The following MUC3A variants were observed in gnomAD, a reference collection of about 807,000 sequenced individuals.
MUC3A encodes the protein mucin-3A.
A neutral mutation model predicts 109.0 loss-of-function variants in MUC3A; 109 were observed. The ratio of observed to expected loss-of-function variants is 1.00; its 90% CI spans 0.86 to 1.17. The LOEUF (loss-of-function observed/expected upper bound fraction) is 1.17, where lower values mean the gene tolerates loss of function less well. MUC3A is among the 50% of genes most tolerant of loss of function. The pLI, the probability that MUC3A is intolerant of heterozygous loss-of-function variation, is 0.00. For missense variants in MUC3A, 3,537 were observed against 2,469.4 expected (o/e 1.43, Z -9.16); for synonymous variants, 1,398 against 981.4 (o/e 1.42, Z -7.93).
Position 100,952,358 on chromosome 7 carries a change from C to T in MUC3A, c.579C>T (p.Thr193=). The change falls in exon 2 of 12, where the codon ACC becomes ACT. Residue 193 remains threonine (T), a synonymous_variant. Coordinates refer to ENST00000379458, the MANE Select transcript of MUC3A (RefSeq NM_005960.2). ...CCATGACATCTTCTCCCTCTACCAC[C>T]ACTGCAAGGGAAACTCCCATAGTGA... ...TSAMTSSPST[T]TARETPIVTV... 1 of 1,598,520 alleles carries T rather than the reference C, an allele frequency of 6.3e-7. No homozygotes were observed. The highest frequency in any genetic ancestry group is 8.5e-7 in the Non-Finnish European group (1 of 1,179,770).
In MUC3A at chr7:100,967,433, A is replaced by G. The variant is rs1275330505; in HGVS notation, c.*271A>G. 9.9e-6 allele frequency: 6 copies of G among 603,066 alleles called. No homozygotes were observed. The Admixed American group carries it at 1.5e-4, about 15-fold the overall frequency. 37.4% of individuals were successfully genotyped at this position (603,066 alleles called of 1,614,324 possible). ...GTTTCCTCACCTGCAAAACGGGTAC[A>G]GCATTCCTGTATGATAGCTCACGCC... is the stretch of plus-strand genomic sequence containing the variant. On this transcript the variant is annotated 3_prime_UTR_variant, in exon 12 of 12. Coordinates refer to ENST00000379458, the MANE Select transcript of MUC3A (RefSeq NM_005960.2).
In MUC3A at chr7:100,966,959, G is replaced by A. The variant is rs1165925408; in HGVS notation, c.9930+8G>A. On this transcript the variant is annotated splice_region_variant and intron_variant, in intron 11 of 11. Coordinates refer to ENST00000379458, the MANE Select transcript of MUC3A (RefSeq NM_005960.2). ...GTGGACACCACTATGAAGGTGAGGG[G>A]CTAAAGAGGGGGACCCCAAGGAACT... 23 of 1,598,420 alleles carry A rather than the reference G, an allele frequency of 1.4e-5. No individual in the cohort carries two copies. Among genetic ancestry groups the A allele is most frequent in the Non-Finnish European group, 1.7e-5 (20 of 1,179,822 alleles).
rs1486978564 is a variant in MUC3A at position 100,959,152 on chromosome 7, C to T, written c.7373C>T (p.Ala2458Val). Residue 2458 changes from alanine (A) to valine (V), a missense_variant, in exon 2 of 12, where the codon GCC (alanine) becomes GTC (valine). By Grantham distance (64) the Ala-to-Val change is moderately conservative. Transcript: ENST00000379458. The stretch of plus-strand genomic sequence containing the variant: ...TCCACAGTCAGCACATCCACAACTG[C>T]CATCACCTCACATTTTACTACCTCA... ...IYSTVSTSTT[A>V]ITSHFTTSET... 1 of 1,597,262 alleles carries T rather than the reference C, an allele frequency of 6.3e-7. No individual in the cohort carries two copies. Among genetic ancestry groups the T allele is most frequent in the Non-Finnish European group, 8.5e-7 (1 of 1,179,484 alleles).
chr7:100,966,614 G>C lies in MUC3A; in HGVS notation c.9786-38G>C, dbSNP rs768604543. The C allele has an allele frequency of 3.1e-6, 5 of 1,597,958 alleles. No individual in the cohort carries two copies. In the Admixed American group the frequency reaches 8.3e-5, roughly 27 times the overall value. ...CGAGGGCAGCCAAGGGGTCCCAGGC[G>C]GGCCGGCTCTGTCTGACCGCGCGGC... On this transcript the variant is annotated intron_variant, in intron 9 of 11. Coordinates refer to ENST00000379458, the MANE Select transcript of MUC3A (RefSeq NM_005960.2).
Position 100,959,755 on chromosome 7 carries a change from C to T in MUC3A, c.7976C>T (p.Thr2659Ile), listed in dbSNP as rs772292992. The part of the protein sequence containing the change: ...QTSLTSTSEF[T>I]TESFTRGSTS... ...TCACTCACATCTACAAGTGAGTTCA[C>T]TACAGAATCTTTCACTAGGGGAAGT... is the stretch of plus-strand genomic sequence containing the variant. Residue 2659 changes from threonine to isoleucine, a missense_variant, in exon 2 of 12, where the codon ACT (threonine) becomes ATT (isoleucine). Transcript: ENST00000379458. 9.4e-6 allele frequency: 15 copies of T among 1,598,048 alleles called. No individual in the cohort carries two copies. Among genetic ancestry groups the T allele is most frequent in the Non-Finnish European group, 9.3e-6 (11 of 1,179,672 alleles).
chr7:100,965,638 T>C (rs1792506305), intron 7 of MUC3A, 66 bp from the exon 8 acceptor site: 3 of 1,546,710 alleles, frequency 1.9e-6, no homozygotes, highest in Non-Finnish European at 2.6e-6. Context: ...AGAGGCACCG[T>C]TATCAGGCCC....
At chr7:100,963,054 G>C (rs1482047997) in intron 3 of MUC3A, 97 bp from the exon 4 acceptor site, 3 of 1,369,018 alleles carry the variant, frequency 2.2e-6, no homozygotes, top group East Asian at 2.5e-5. Context: ...TCTTGGAGGG[G>C]AGCAGCAGGA....
chr7:100,956,989 C>G lies in MUC3A; in HGVS notation c.5210C>G (p.Pro1737Arg). The change falls in exon 2 of 12, where the codon CCT becomes CGT. Residue 1737 changes from proline to arginine, a missense_variant. Coordinates refer to ENST00000379458, the MANE Select transcript of MUC3A (RefSeq NM_005960.2). ...TTCACCAGTTCAACAGCCACATCCC[C>G]TAAGACCACCACACTGACTCCTACC... Reference protein sequence around the residue: ...TTFTSSTATSPKTTTLTPTSD... With the variant: ...TTFTSSTATSRKTTTLTPTSD... 2.3e-6 allele frequency: 1 copy of G among 438,366 alleles called. No individual in the cohort carries two copies. The highest frequency in any genetic ancestry group is 4.0e-6 in the Non-Finnish European group (1 of 250,496). The allele number at this position is 438,366 out of a possible 1,614,324, so 27.2% of individuals were successfully genotyped here. A position where few individuals can be genotyped will look rare whatever the true frequency, so the allele number is the denominator to read the frequency against.
At chr7:100,951,674 A>T (rs796104158) in intron 1 of MUC3A, among the ~76,000 whole-genome samples, 167 bp from the exon 2 acceptor site, 65 of 149,542 alleles carry the variant, frequency 4.3e-4, no homozygotes, top group Admixed American at 8.6e-4. Flanking sequence ...CTCCAGCACC[A>T]CAAAGCACCC....
At position 100,957,564 on chromosome 7, in the gene MUC3A, A is replaced by AC; in HGVS notation, c.5787dup (p.Thr1930HisfsTer88). The AC allele has an allele frequency of 1.4e-6, 2 of 1,440,924 alleles. No homozygotes were observed. Among genetic ancestry groups the AC allele is most frequent in the Non-Finnish European group, 1.8e-6 (2 of 1,106,888 alleles). The allele number at this position is 1,440,924 out of a possible 1,614,324, so 89.3% of individuals were successfully genotyped here. On this transcript the variant is annotated frameshift_variant, in exon 2 of 12. Transcript: ENST00000379458. LOFTEE classifies it high-confidence loss of function. Reference sequence around the variant, plus strand: ...TACTCCCAGATTCACTTCTTCAATCACCACTACCGAGACCCCCTCACACAG... The same window carrying AC: ...TACTCCCAGATTCACTTCTTCAATCACCCACTACCGAGACCCCCTCACACAG...
Position 100,953,513 on chromosome 7 carries a change from C to T in MUC3A, c.1734C>T (p.Phe578=), listed in dbSNP as rs1010647128. ...TGGCACCCACTACCACCACCTCATT[C>T]ACAACTTCCACAACTATGGAACCAC... ...STLAPTTTTS[F]TTSTTMEPPS... The change falls in exon 2 of 12, where the codon TTC becomes TTT. Residue 578 remains phenylalanine (F), a synonymous_variant. Coordinates refer to ENST00000379458, the MANE Select transcript of MUC3A (RefSeq NM_005960.2). 2.4e-5 allele frequency: 11 copies of T among 454,866 alleles called. No individual in the cohort carries two copies. Among genetic ancestry groups the T allele is most frequent in the Admixed American group, 7.8e-5 (2 of 25,488 alleles). The allele number at this position is 454,866 out of a possible 1,614,324, so 28.2% of individuals were successfully genotyped here. A position where few individuals can be genotyped will look rare whatever the true frequency, so the allele number is the denominator to read the frequency against.
Position 100,952,789 on chromosome 7 carries a change from C to A in MUC3A, c.1010C>A (p.Thr337Asn). Residue 337 changes from threonine (T) to asparagine (N), a missense_variant, in exon 2 of 12, where the codon ACT (threonine) becomes AAT (asparagine). Transcript: ENST00000379458. ...RSTPTSETTY[T>N]TSPTSTVTDS... ...ACACCTACATCTGAGACCACCTACA[C>A]TACTTCTCCCACCAGCACTGTCACA... 6.5e-7 allele frequency: 1 copy of A among 1,549,952 alleles called. No individual in the cohort carries two copies. The highest frequency in any genetic ancestry group is 8.7e-7 in the Non-Finnish European group (1 of 1,154,448).
Position 100,958,997 on chromosome 7 carries a change from T to C in MUC3A, c.7218T>C (p.Thr2406=). 1 of 1,582,670 alleles carries C rather than the reference T, an allele frequency of 6.3e-7. No individual in the cohort carries two copies. The highest frequency in any genetic ancestry group is 8.5e-7 in the Non-Finnish European group (1 of 1,171,786). The change falls in exon 2 of 12, where the codon ACT becomes ACC. Residue 2406 remains threonine, a synonymous_variant. Coordinates refer to ENST00000379458, the MANE Select transcript of MUC3A (RefSeq NM_005960.2). ...VTTTKTTSHI[T]PGLTSSITTT... Reference sequence around the variant, plus strand: ...CCACCAAGACCACCTCACACATTACTCCTGGCCTCACTTCTTCAATCACCA... The same window carrying C: ...CCACCAAGACCACCTCACACATTACCCCTGGCCTCACTTCTTCAATCACCA...
Position 100,959,346 on chromosome 7 carries a change from A to G in MUC3A, c.7567A>G (p.Thr2523Ala), listed in dbSNP as rs1241502895. 3.2e-6 allele frequency: 5 copies of G among 1,548,048 alleles called. No individual in the cohort carries two copies. The highest frequency in any genetic ancestry group is 3.5e-6 in the Non-Finnish European group (4 of 1,155,268). ...TGATATCAGTACCTTACCAACTCGA[A>G]CACACATCATTTCATCTTCTCCCTC... Reference protein sequence around the residue: ...PTDISTLPTRTHIISSSPSIQ... With the variant: ...PTDISTLPTRAHIISSSPSIQ... Residue 2523 changes from threonine (T) to alanine (A), a missense_variant, in exon 2 of 12, where the codon ACA (threonine) becomes GCA (alanine). Physicochemically the swap from Thr to Ala is moderately conservative, Grantham distance 58. Transcript: ENST00000379458.
intron 4 of MUC3A, 21 bp downstream of exon 4, chr7:100,963,287 ATTTTT>A: frequency 3.0e-6 from 4 of 1,327,138 alleles, no homozygotes; most frequent in African/African-American, 1.6e-5. Context: ...AAGAGAGGGG[ATTTTT>A]TTTTTTTTTT....
At chr7:100,964,018 G>A (rs1232013534) in intron 5 of MUC3A, 14 of 603,098 alleles carry the variant, frequency 2.3e-5, no homozygotes, top group African/African-American at 1.1e-4. Context: ...TGATGACTTT[G>A]TCCCCCTCTG....
rs587758623 is a variant in MUC3A, at chr7:100,967,375, G to A, written c.*213G>A. The A allele has an allele frequency of 2.6e-5, 19 of 733,982 alleles. No homozygotes were observed. Among genetic ancestry groups the A allele is most frequent in the Non-Finnish European group, 3.5e-5 (16 of 458,114 alleles). 45.5% of individuals were successfully genotyped at this position (733,982 alleles called of 1,614,324 possible). A position where few individuals can be genotyped will look rare whatever the true frequency, so the allele number is the denominator to read the frequency against. ...CAGTTCACGTCCAGGCTCTTCCACT[G>A]TGGAATCTTGGGCAAGTCAGTAACG... On this transcript the variant is annotated 3_prime_UTR_variant, in exon 12 of 12. Coordinates refer to ENST00000379458, the MANE Select transcript of MUC3A (RefSeq NM_005960.2).
chr7:100,967,321 C>T lies in MUC3A; in HGVS notation c.*159C>T, dbSNP rs1163699606. ...TCCCCCAAATCCCATCCTTCTCCTT[C>T]CAACTTGGCTGAAACCCACCTGGAG... On this transcript the variant is annotated 3_prime_UTR_variant, in exon 12 of 12. Transcript: ENST00000379458. 1.6e-6 allele frequency: 2 copies of T among 1,257,384 alleles called. No homozygotes were observed. Among genetic ancestry groups the T allele is most frequent in the East Asian group, 2.5e-5 (1 of 39,306 alleles). The allele number at this position is 1,257,384 out of a possible 1,614,324, so 77.9% of individuals were successfully genotyped here.
rs1334913076 is a variant in MUC3A at position 100,957,399 on chromosome 7, C to T, written c.5620C>T (p.Pro1874Ser). The change falls in exon 2 of 12, where the codon CCC becomes TCC. Residue 1874 changes from proline (P) to serine (S), a missense_variant. By Grantham distance (74) the Pro-to-Ser change is moderately conservative. Coordinates refer to ENST00000379458, the MANE Select transcript of MUC3A (RefSeq NM_005960.2). ...GTLSTVTSLRPTSSSLLTTVT... is the reference protein window; with the variant it reads ...GTLSTVTSLRSTSSSLLTTVT... The stretch of plus-strand genomic sequence containing the variant: ...ATTGTCCACTGTGACCTCTCTTCGA[C>T]CCACCTCTTCCTCTCTCCTCACCAC... 1.3e-5 allele frequency: 9 copies of T among 676,854 alleles called. No homozygotes were observed. The East Asian group carries it at 2.3e-4, about 17-fold the overall frequency. The allele number at this position is 676,854 out of a possible 1,614,324, so 41.9% of individuals were successfully genotyped here.
Sources: gnomAD v4.1 joint callset for allele counts (sites outside exome capture counted in the v4.1 genomes callset) on GRCh38, gnomAD v4.1.1 for gene constraint, MANE v1.5 for transcripts, NCBI Gene and HGNC (gene_info 2026-07-23, HGNC 2026-07-21) for gene names.